Variants in PHLPP1 observed in about 807,000 individuals in gnomAD.
PHLPP1 encodes PH domain and leucine rich repeat protein phosphatase 1, also known as PH domain leucine-rich repeat-containing protein phosphatase 1.
In PHLPP1, 42 loss-of-function variants were observed where a neutral mutation model predicts 117.2. That is an observed-to-expected ratio of 0.36 (90% CI 0.28 to 0.46). The LOEUF (loss-of-function observed/expected upper bound fraction) is 0.46, where lower values mean the gene tolerates loss of function less well. PHLPP1 is among the 20% of genes least tolerant of loss of function. The probability of loss-of-function intolerance (pLI) is 1.00; values close to 1 mark genes in which losing one functional copy is unlikely to be tolerated. For missense variants in PHLPP1, 2,084 were observed against 2,241.9 expected, an observed-to-expected ratio of 0.93 and a Z score of 1.42; for synonymous variants, 1,042 against 970.7, an observed-to-expected ratio of 1.07 and a Z score of -1.37.
chr18:62,842,267 TGG>T, intron 3 of PHLPP1, among the ~76,000 whole-genome samples: 1 of 152,188 alleles, frequency 6.6e-6, no homozygotes, highest in African/African-American at 2.4e-5. Flanking sequence ...TTAACAACCA[TGG>T]CAGCCTTTTG....
At position 62,922,560 on chromosome 18, in the gene PHLPP1, A is replaced by C. The variant is rs978791249; in HGVS notation, c.2960+2446A>C. ...CTTCTCCTATGGAGAATTATAAGTTATATCATAATGAGAATCCACTTGTTC... is the reference window on the plus strand; with the variant it reads ...CTTCTCCTATGGAGAATTATAAGTTCTATCATAATGAGAATCCACTTGTTC... On this transcript the variant is annotated intron_variant, in intron 10 of 16. Transcript: ENST00000262719. 6.6e-5 allele frequency among the ~76,000 whole-genome samples: 10 copies of C among 152,238 alleles called. No individual in the cohort carries two copies. In the South Asian group the frequency reaches 8.3e-4, roughly 13 times the overall value.
chr18:62,789,842 T>C (rs986259227), intron 1 of PHLPP1, among the ~76,000 whole-genome samples: 1 of 152,168 alleles, frequency 6.6e-6, no homozygotes, highest in Non-Finnish European at 1.5e-5. Context: ...TCTACATGAG[T>C]ATAAGGAAAG....
intron 4 of PHLPP1, among the ~76,000 whole-genome samples, chr18:62,874,229 C>T (rs1031503746): frequency 2.0e-5 from 3 of 150,646 alleles, no homozygotes; most frequent in African/African-American, 4.9e-5. Context: ...AGATATAGGC[C>T]GGTTGAGGTG....
At chr18:62,820,378 C>T (rs938187141) in intron 1 of PHLPP1, among the ~76,000 whole-genome samples, 7 of 152,214 alleles carry the variant, frequency 4.6e-5, no homozygotes, top group African/African-American at 1.7e-4. Context: ...TCTGCAATAG[C>T]AAAATACACA....
intron 7 of PHLPP1, 145 bp from the exon 8 acceptor site, chr18:62,905,079 C>G (rs549715145): frequency 1.6e-5 from 7 of 434,696 alleles, no homozygotes; most frequent in Non-Finnish European, 2.4e-5. Flanking sequence ...CCTGCACTTT[C>G]AAAGTTAAAC....
Position 62,715,753 on chromosome 18 carries a change from CCGG to C in PHLPP1, c.75_77del (p.Ala40del). ...CGGCAGGGAGGACCGAGCTTCGGCTCCGGCGGCCGCCGCTGCGGCAGCAGCAGC... is the reference window on the plus strand; with the variant it reads ...CGGCAGGGAGGACCGAGCTTCGGCTCCGGCCGCCGCTGCGGCAGCAGCAGC... On this transcript the variant is annotated inframe_deletion, in exon 1 of 17. Transcript: ENST00000262719. 1 of 1,179,092 alleles carries C rather than the reference CCGG, an allele frequency of 8.5e-7. No homozygotes were observed. Among genetic ancestry groups the C allele is most frequent in the Non-Finnish European group, 1.1e-6 (1 of 950,982 alleles). The allele number at this position is 1,179,092 out of a possible 1,614,324, so 73.0% of individuals were successfully genotyped here. A position where few individuals can be genotyped will look rare whatever the true frequency, so the allele number is the denominator to read the frequency against.
chr18:62,860,378 A>G, intron 3 of PHLPP1, 57 bp from the exon 4 acceptor site: 1 of 1,391,320 alleles, frequency 7.2e-7, no homozygotes, highest in South Asian at 1.2e-5. Context: ...TTCTATCCAT[A>G]GAAAGTAGTT....
intron 1 of PHLPP1, among the ~76,000 whole-genome samples, chr18:62,801,895 A>G (rs557048337): frequency 6.6e-6 from 1 of 152,122 alleles, no homozygotes; most frequent in African/African-American, 2.4e-5. Context: ...TGTCATTCAC[A>G]TTTGCATACA....
At chr18:62,786,842 G>A (rs984349189) in intron 1 of PHLPP1, among the ~76,000 whole-genome samples, 1 of 152,188 alleles carries the variant, frequency 6.6e-6, no homozygotes, top group Non-Finnish European at 1.5e-5. Flanking sequence ...GCAATGGTTT[G>A]TGCTGTTTAT....
chr18:62,807,038 G>A (rs762878993), intron 1 of PHLPP1, among the ~76,000 whole-genome samples: 6 of 151,902 alleles, frequency 3.9e-5, no homozygotes, highest in Non-Finnish European at 8.8e-5. Flanking sequence ...CTTTCATAGC[G>A]AAATCTGGTT....
At chr18:62,772,210 T>C (rs1199986106) in intron 1 of PHLPP1, among the ~76,000 whole-genome samples, 1 of 152,194 alleles carries the variant, frequency 6.6e-6, no homozygotes, top group Non-Finnish European at 1.5e-5. Context: ...AGTCTGAAAC[T>C]CTTCTGGAAG....
At position 62,941,733 on chromosome 18, in the gene PHLPP1, C is replaced by T. The variant is rs554890627; in HGVS notation, c.2976C>T (p.Asn992=). 1.5e-5 allele frequency: 24 copies of T among 1,612,278 alleles called. 1 individual carries two copies. Among genetic ancestry groups the T allele is most frequent in the African/African-American group, 2.7e-5 (2 of 74,992 alleles). Residue 992 remains asparagine (N), a synonymous_variant, in exon 11 of 17, where the codon AAC becomes AAT. Coordinates refer to ENST00000262719, the MANE Select transcript of PHLPP1 (RefSeq NM_194449.4). ...LMKADSLRFL[N]ASANKLESLP... ...GTCATTGTAGCCTGAGATTCCTGAA[C>T]GCCTCTGCGAACAAACTGGAAAGCC...
Position 62,717,035 on chromosome 18 carries a change from C to T in PHLPP1, c.1352C>T (p.Thr451Ile). ...GTGGCCCCGGGAGGCCTCCAGTCTA[C>T]CCCCGGGAGGAGCGGGGTGACCGCG... ...AAVAPGGLQS[T>I]PGRSGVTAEK... is the part of the protein sequence containing the mutation. The change falls in exon 1 of 17, where the codon ACC becomes ATC. Residue 451 changes from threonine (T) to isoleucine (I), a missense_variant. Physicochemically the swap from Thr to Ile is moderately conservative, Grantham distance 89 (BLOSUM62 -1). Transcript: ENST00000262719. The T allele has an allele frequency of 1.9e-6, 3 of 1,546,156 alleles. No individual in the cohort carries two copies. The highest frequency in any genetic ancestry group is 2.4e-5 in the South Asian group (2 of 83,870).
At chr18:62,808,844 G>A (rs937557310) in intron 1 of PHLPP1, among the ~76,000 whole-genome samples, 1 of 152,096 alleles carries the variant, frequency 6.6e-6, no homozygotes, top group Admixed American at 6.5e-5. Flanking sequence ...GTGAGCCACC[G>A]TGCCTGGCCT....
intron 1 of PHLPP1, among the ~76,000 whole-genome samples, chr18:62,791,104 C>T (rs1304680894): frequency 6.6e-6 from 1 of 152,028 alleles, no homozygotes; most frequent in Non-Finnish European, 1.5e-5. Context: ...GTTCCCAAGA[C>T]AAGCAAAGAC....
In PHLPP1 at chr18:62,972,575, G is replaced by A; in HGVS notation, c.3622G>A (p.Val1208Met). ...FCDNREALYG[V>M]FDGDRNVEVP... ...TGACAACCGCGAAGCCCTGTATGGT[G>A]TGTTTGACGGAGACCGGAATGTGGA... is the stretch of plus-strand genomic sequence containing the variant. Residue 1208 changes from valine (V) to methionine (M), a missense_variant, in exon 15 of 17, where the codon GTG (valine) becomes ATG (methionine). Physicochemically the swap from Val to Met is conservative, Grantham distance 21. Coordinates refer to ENST00000262719, the MANE Select transcript of PHLPP1 (RefSeq NM_194449.4). The A allele has an allele frequency of 6.2e-7, 1 of 1,613,904 alleles. No individual in the cohort carries two copies.
chr18:62,854,379 G>A (rs764561721), intron 3 of PHLPP1, among the ~76,000 whole-genome samples: 2 of 152,186 alleles, frequency 1.3e-5, no homozygotes, highest in Admixed American at 1.3e-4. Flanking sequence ...GATAAGTTGT[G>A]TGGGATTGGA....
At chr18:62,824,760 A>T (rs538979720) in intron 1 of PHLPP1, among the ~76,000 whole-genome samples, 2 of 152,308 alleles carry the variant, frequency 1.3e-5, no homozygotes, top group East Asian at 3.9e-4. Context: ...GGCTCTGAAA[A>T]AAATGACAAG....
At chr18:62,747,078 A>G (rs984662464) in intron 1 of PHLPP1, among the ~76,000 whole-genome samples, 3 of 152,028 alleles carry the variant, frequency 2.0e-5, no homozygotes, top group African/African-American at 7.2e-5. Context: ...TGTTGGTCTA[A>G]CCATGGCTTT....
Sources: allele counts gnomAD v4.1 joint callset (sites outside exome capture counted in the v4.1 genomes callset), GRCh38; gene constraint gnomAD v4.1.1; transcripts MANE v1.5; gene names NCBI Gene and HGNC (gene_info 2026-07-23, HGNC 2026-07-21).